Variants in GLRA2 observed in about 807,000 individuals in gnomAD.
GLRA2 encodes glycine receptor subunit alpha-2.
In GLRA2, 11 loss-of-function variants were observed where a neutral mutation model predicts 31.6. The ratio of observed to expected loss-of-function variants is 0.35; its 90% CI spans 0.22 to 0.58. The LOEUF is 0.58. GLRA2 is among the 20% of genes least tolerant of loss of function. GLRA2 has a pLI of 0.84. For missense variants in GLRA2, 212 were observed against 351.8 expected (o/e 0.60, Z 3.18); for synonymous variants, 132 against 134.0 (o/e 0.99, Z 0.10).
the GLRA2 span, among the ~76,000 whole-genome samples, chrX:14,450,423 C>T: frequency 1.2e-4 from 13 of 111,563 alleles, no homozygotes; most frequent in South Asian, 4.1e-3. Context: ...GCAGGTGTGG[C>T]GCCAGTAATT....
chrX:14,626,266 A>C, intron 7 of GLRA2, among the ~76,000 whole-genome samples: 1 of 112,165 alleles, frequency 8.9e-6, no homozygotes, highest in Non-Finnish European at 1.9e-5. Flanking sequence ...AAAAGGAAGA[A>C]CTAAGAATTT....
chrX:14,522,283 G>C, the GLRA2 span, among the ~76,000 whole-genome samples: 2 of 112,084 alleles, frequency 1.8e-5, no homozygotes, highest in Non-Finnish European at 3.8e-5. Context: ...CTCCTCATAC[G>C]TTTAAGTTTT....
chrX:14,590,013 T>C (rs757054126), intron 4 of GLRA2, among the ~76,000 whole-genome samples: 8 of 110,497 alleles, frequency 7.2e-5, no homozygotes, highest in Non-Finnish European at 1.3e-4. Flanking sequence ...GGGGGCCTCA[T>C]ACTACCATCT....
intron 7 of GLRA2, among the ~76,000 whole-genome samples, chrX:14,668,508 T>C (rs756269940): frequency 1.3e-4 from 14 of 111,963 alleles, no homozygotes; most frequent in Middle Eastern, 9.1e-3. Context: ...TAGTCCGTTT[T>C]CACACTGCTG....
At chrX:14,683,423 G>T (rs768128083) in intron 7 of GLRA2, among the ~76,000 whole-genome samples, 105 of 111,584 alleles carry the variant, frequency 9.4e-4, no homozygotes, top group African/African-American at 3.1e-3. Flanking sequence ...ATTTGTTTGA[G>T]TTCATTGTAG....
chrX:14,641,461 T>C (rs2090772384), intron 7 of GLRA2, among the ~76,000 whole-genome samples: 2 of 111,305 alleles, frequency 1.8e-5, no homozygotes, highest in Admixed American at 9.6e-5. Context: ...TCCCACAGTT[T>C]GGTGGTTCAG....
the GLRA2 span, among the ~76,000 whole-genome samples, chrX:14,457,980 C>G: frequency 9.1e-6 from 1 of 110,329 alleles, no homozygotes; most frequent in Non-Finnish European, 1.9e-5. Flanking sequence ...CCCATTAACT[C>G]GTCATTTAAC....
intron 2 of GLRA2, among the ~76,000 whole-genome samples, chrX:14,570,156 T>C (rs890746147): frequency 1.1e-4 from 12 of 111,884 alleles, no homozygotes; most frequent in African/African-American, 3.9e-4. Flanking sequence ...GATTGAAAAG[T>C]TTTGGAAACA....
intron 8 of GLRA2, among the ~76,000 whole-genome samples, chrX:14,718,729 T>C (rs1233965845): frequency 8.9e-6 from 1 of 111,941 alleles, no homozygotes; most frequent in Non-Finnish European, 1.9e-5. Flanking sequence ...TGGCTTGACT[T>C]CCTCACAGCA....
intron 8 of GLRA2, among the ~76,000 whole-genome samples, chrX:14,721,963 G>C (rs2091872086): frequency 1.8e-5 from 2 of 111,728 alleles, no homozygotes; most frequent in African/African-American, 6.5e-5. Flanking sequence ...CACAGCAATT[G>C]CCTTTCTTTC....
chrX:14,676,797 T>C (rs1277549768), intron 7 of GLRA2, among the ~76,000 whole-genome samples: 3 of 112,021 alleles, frequency 2.7e-5, no homozygotes, highest in African/African-American at 9.7e-5. Flanking sequence ...CATGACTTGA[T>C]TTTCTACTTT....
chrX:14,575,950 A>C (rs1234445049), intron 3 of GLRA2, among the ~76,000 whole-genome samples: 2 of 110,989 alleles, frequency 1.8e-5, no homozygotes, highest in Non-Finnish European at 3.8e-5. Flanking sequence ...TTGCATTACT[A>C]TGTAAAGTTT....
chrX:14,600,569 T>C (rs928105566), intron 4 of GLRA2, among the ~76,000 whole-genome samples: 2 of 111,034 alleles, frequency 1.8e-5, no homozygotes, highest in African/African-American at 3.3e-5. Context: ...CAAATTATAG[T>C]TGTTTATGTT....
At chrX:14,454,820 T>C in the GLRA2 span, among the ~76,000 whole-genome samples, 1 of 112,031 alleles carries the variant, frequency 8.9e-6, no homozygotes, top group Non-Finnish European at 1.9e-5. Context: ...TTCTTAGAAC[T>C]AAACAATGAT....
At chrX:14,601,358 T>C (rs2090272316) in intron 4 of GLRA2, among the ~76,000 whole-genome samples, 1 of 111,811 alleles carries the variant, frequency 8.9e-6, no homozygotes, top group East Asian at 2.8e-4. Context: ...TTAATAATCA[T>C]GATATGATTG....
At chrX:14,572,682 T>C (rs1328190307) in intron 2 of GLRA2, among the ~76,000 whole-genome samples, 1 of 112,159 alleles carries the variant, frequency 8.9e-6, no homozygotes, top group Admixed American at 9.5e-5. Flanking sequence ...AGTTGGAGCA[T>C]TTCAAAGATG....
the GLRA2 span, among the ~76,000 whole-genome samples, chrX:14,496,473 A>G: frequency 9.0e-6 from 1 of 111,700 alleles, no homozygotes; most frequent in Non-Finnish European, 1.9e-5. Context: ...AATTATATAA[A>G]CACAATTAAC....
intron 7 of GLRA2, among the ~76,000 whole-genome samples, chrX:14,668,732 G>C (rs963385452): frequency 9.0e-6 from 1 of 111,560 alleles, no homozygotes. Flanking sequence ...AGAATAGCAC[G>C]GGAAAGACCT....
chrX:14,631,801 C>A (rs1327351745), intron 7 of GLRA2, among the ~76,000 whole-genome samples: 1 of 75,261 alleles, frequency 1.3e-5, no homozygotes, highest in African/African-American at 5.5e-5. Flanking sequence ...CTGGAGTTCA[C>A]ACATACATAT....
Sources: gnomAD v4.1 joint callset for allele counts (sites outside exome capture counted in the v4.1 genomes callset) on GRCh38, gnomAD v4.1.1 for gene constraint, MANE v1.5 for transcripts, NCBI Gene and HGNC (gene_info 2026-07-23, HGNC 2026-07-21) for gene names.